The following RPS6KC1 variants were observed in gnomAD, a reference collection of about 807,000 sequenced individuals.
RPS6KC1 encodes ribosomal protein S6 kinase C1, also known as inactive ribosomal protein S6 kinase delta-1.
Under a neutral mutation model 103.8 loss-of-function variants are expected in RPS6KC1, and 54 were observed. The observed-to-expected ratio is 0.52, with a 90% CI of 0.42 to 0.65. The LOEUF (loss-of-function observed/expected upper bound fraction) is 0.65, where lower values mean the gene tolerates loss of function less well. Ranked by LOEUF, RPS6KC1 falls within the 30% of genes least tolerant of loss-of-function variation. RPS6KC1 has a pLI of 0.00. For synonymous variants in RPS6KC1, 439 were observed against 438.7 expected (o/e 1.00, Z -0.01); for missense variants, 1,151 against 1,253.8 (o/e 0.92, Z 1.24).
chr1:213,138,620 G>T (rs1183525726), intron 6 of RPS6KC1, among the ~76,000 whole-genome samples: 1 of 152,062 alleles, frequency 6.6e-6, no homozygotes, highest in Admixed American at 6.5e-5. Context: ...TTGGTTTTCT[G>T]CTCCTATATT....
chr1:213,271,349 A>G (rs1374224276), intron 14 of RPS6KC1, among the ~76,000 whole-genome samples: 2 of 152,230 alleles, frequency 1.3e-5, no homozygotes, highest in African/African-American at 4.8e-5. Context: ...TATTTTACTT[A>G]TATGAAATGT....
chr1:213,848,745 A>G, the RPS6KC1 span, among the ~76,000 whole-genome samples: 2 of 152,228 alleles, frequency 1.3e-5, no homozygotes, highest in Non-Finnish European at 2.9e-5. Flanking sequence ...TTATAGATAT[A>G]CAGTAAACTA....
intron 6 of RPS6KC1, among the ~76,000 whole-genome samples, chr1:213,152,051 G>A: frequency 6.9e-6 from 1 of 144,058 alleles, no homozygotes; most frequent in East Asian, 2.2e-4. Flanking sequence ...GGCCGGGCGG[G>A]GGGCTAACCC....
At chr1:213,115,404 C>T (rs904644180) in intron 4 of RPS6KC1, among the ~76,000 whole-genome samples, 2 of 152,056 alleles carry the variant, frequency 1.3e-5, no homozygotes, top group African/African-American at 4.8e-5. Context: ...GTGATATCCC[C>T]TTTATCATTT....
At chr1:213,464,642 T>C in the RPS6KC1 span, among the ~76,000 whole-genome samples, 1,759 of 152,278 alleles carry the variant, frequency 0.012, 22 homozygotes, top group African/African-American at 0.036. Flanking sequence ...TTTTAAGTAG[T>C]TTATTCACAA....
At chr1:213,615,671 T>C in the RPS6KC1 span, among the ~76,000 whole-genome samples, 1 of 152,242 alleles carries the variant, frequency 6.6e-6, no homozygotes, top group Non-Finnish European at 1.5e-5. Context: ...TCACCGTGTG[T>C]TCCACAGAAC....
the RPS6KC1 span, among the ~76,000 whole-genome samples, chr1:213,438,838 GGCTGGAGT>G: frequency 7.7e-5 from 11 of 142,102 alleles, no homozygotes; most frequent in Admixed American, 8.3e-4. Context: ...CTGTCACCCA[GGCTGGAGT>G]GCAGTGGTGT....
In RPS6KC1 at chr1:213,059,705, C is replaced by G. The variant is rs777030779; in HGVS notation, c.105+8196C>G. Reference sequence around the variant, plus strand: ...TTTTTTTTTTTTGAGACGCATCTCGCTCTGTTGCCCAGGCTGGAGTGCAAT... The same window carrying G: ...TTTTTTTTTTTTGAGACGCATCTCGGTCTGTTGCCCAGGCTGGAGTGCAAT... On this transcript the variant is annotated intron_variant, in intron 1 of 14. Coordinates refer to ENST00000366960, the MANE Select transcript of RPS6KC1 (RefSeq NM_012424.6). Among the ~76,000 whole-genome samples, 169 of 151,746 alleles carry G rather than the reference C, an allele frequency of 1.1e-3. 1 individual carries two copies. The highest frequency in any genetic ancestry group is 2.2e-3 in the Admixed American group (33 of 15,248).
chr1:213,740,302 A>C, the RPS6KC1 span, among the ~76,000 whole-genome samples: 1 of 152,138 alleles, frequency 6.6e-6, no homozygotes, highest in South Asian at 2.1e-4. Context: ...TTATTAGAAA[A>C]ATAGGGTTTG....
chr1:213,137,791 A>ATG (rs1553340193), intron 6 of RPS6KC1, among the ~76,000 whole-genome samples: 1 of 39,824 alleles, frequency 2.5e-5, no homozygotes, highest in African/African-American at 7.5e-5. Flanking sequence ...ATATATATAT[A>ATG]TATATATATT....
chr1:213,405,448 A>G, the RPS6KC1 span, among the ~76,000 whole-genome samples: 13 of 152,220 alleles, frequency 8.5e-5, no homozygotes, highest in Non-Finnish European at 1.8e-4. Flanking sequence ...TGCATGAAAA[A>G]AAAATTCACC....
At chr1:213,278,359 G>C (rs2095116249), downstream of RPS6KC1, among the ~76,000 whole-genome samples, 1 of 151,994 alleles carries the variant, frequency 6.6e-6, no homozygotes, top group African/African-American at 2.4e-5. Flanking sequence ...GTGTGTTGTT[G>C]CCCTTATTAT....
the RPS6KC1 span, among the ~76,000 whole-genome samples, chr1:213,637,472 G>C: frequency 1.3e-5 from 2 of 152,076 alleles, no homozygotes; most frequent in Non-Finnish European, 2.9e-5. Context: ...TGTTGGTGAC[G>C]AGTTGATGGG....
chr1:213,861,671 A>G, the RPS6KC1 span, among the ~76,000 whole-genome samples: 1 of 152,218 alleles, frequency 6.6e-6, no homozygotes, highest in African/African-American at 2.4e-5. Context: ...TTCCTCAGGC[A>G]GGAGGAACTG....
chr1:213,444,991 T>G, the RPS6KC1 span, among the ~76,000 whole-genome samples: 10 of 152,184 alleles, frequency 6.6e-5, no homozygotes, highest in Non-Finnish European at 1.3e-4. Flanking sequence ...CCCATGCCAC[T>G]TAGCCATCAT....
chr1:213,568,893 T>C, the RPS6KC1 span, among the ~76,000 whole-genome samples: 1 of 152,222 alleles, frequency 6.6e-6, no homozygotes, highest in East Asian at 1.9e-4. Flanking sequence ...AGGCAGACTC[T>C]GCAAATTGTC....
At chr1:213,851,455 T>C in the RPS6KC1 span, among the ~76,000 whole-genome samples, 3 of 152,172 alleles carry the variant, frequency 2.0e-5, no homozygotes, top group Non-Finnish European at 4.4e-5. Context: ...TGCTGGCTCA[T>C]CTTCCCCTGC....
At chr1:213,294,834 A>G in the RPS6KC1 span, among the ~76,000 whole-genome samples, 4 of 152,116 alleles carry the variant, frequency 2.6e-5, no homozygotes, top group African/African-American at 9.7e-5. Context: ...TTCTTTTTTC[A>G]AAAACGCTTC....
chr1:213,457,812 A>G, the RPS6KC1 span, among the ~76,000 whole-genome samples: 3 of 152,224 alleles, frequency 2.0e-5, no homozygotes, highest in Admixed American at 6.5e-5. Context: ...GACATACACA[A>G]AAGACACAGT....
Sources: gnomAD v4.1 joint callset for allele counts (sites outside exome capture counted in the v4.1 genomes callset) on GRCh38, gnomAD v4.1.1 for gene constraint, MANE v1.5 for transcripts, NCBI Gene and HGNC (gene_info 2026-07-23, HGNC 2026-07-21) for gene names.